CFAP20DC: variants seen among roughly 807,000 people sequenced by gnomAD.
The protein encoded by CFAP20DC is CFAP20 domain containing.
Under a neutral mutation model 101.7 loss-of-function variants are expected in CFAP20DC, and 84 were observed. The observed-to-expected ratio is 0.83, with a 90% CI of 0.69 to 0.99. CFAP20DC has a LOEUF of 0.99. CFAP20DC is among the 50% of genes least tolerant of loss of function. The probability of loss-of-function intolerance (pLI) is 0.00; values close to 1 mark genes in which losing one functional copy is unlikely to be tolerated. For synonymous variants in CFAP20DC, 359 were observed against 351.2 expected, an observed-to-expected ratio of 1.02 and a Z score of -0.25; for missense variants, 1,007 against 970.3, an observed-to-expected ratio of 1.04 and a Z score of -0.50.
chr3:59,017,624 G>T lies in CFAP20DC; in HGVS notation c.278+21933C>A, dbSNP rs182988391. 78 of 152,218 alleles carry T rather than the reference G, an allele frequency of 5.1e-4. 1 individual carries two copies. The highest frequency in any genetic ancestry group is 1.8e-3 in the African/African-American group (76 of 41,558). The allele number at this position is 152,218 out of a possible 1,614,324, so 9.4% of individuals were successfully genotyped here. The stretch of plus-strand genomic sequence containing the variant: ...ATTTTTTGGTTGTTGTTGGATACCA[G>T]AAAAGTCTCATACATCCTCCTTACA... On this transcript the variant is annotated intron_variant, in intron 4 of 16. Transcript: ENST00000482387.
chr3:58,764,009 T>C (rs1050726207), intron 15 of CFAP20DC, among the ~76,000 whole-genome samples: 13 of 152,154 alleles, frequency 8.5e-5, no homozygotes, highest in South Asian at 4.1e-4. Flanking sequence ...GGCAGTTTGT[T>C]GGTTCTCAGA....
intron 4 of CFAP20DC, among the ~76,000 whole-genome samples, chr3:59,025,582 T>C (rs1290683202): frequency 2.0e-5 from 3 of 152,152 alleles, no homozygotes; most frequent in Non-Finnish European, 2.9e-5. Flanking sequence ...AAAACACATA[T>C]AATATCAGCC....
chr3:58,841,841 T>A lies in CFAP20DC; in HGVS notation c.1971+7191A>T, dbSNP rs182254344. On this transcript the variant is annotated intron_variant, in intron 13 of 16. Transcript: ENST00000482387. ...GCATTCTTCAATAAGCTCAAACTTT[T>A]TCTGGAGCTATAAAGTCTGTTATAT... 1.7e-3 allele frequency among the ~76,000 whole-genome samples: 258 copies of A among 152,362 alleles called. 1 individual carries two copies. Among genetic ancestry groups the A allele is most frequent in the African/African-American group, 5.8e-3 (240 of 41,580 alleles).
At chr3:58,815,646 T>C (rs1287952112) in intron 14 of CFAP20DC, among the ~76,000 whole-genome samples, 4 of 151,140 alleles carry the variant, frequency 2.6e-5, no homozygotes, top group African/African-American at 4.9e-5. Context: ...TACAATGAAC[T>C]CAAACAAATT....
chr3:58,871,729 T>C lies in CFAP20DC; in HGVS notation c.716-1420A>G, dbSNP rs367619335. Among the ~76,000 whole-genome samples the C allele has an allele frequency of 8.8e-4, 134 of 152,216 alleles. 1 individual carries two copies. The highest frequency in any genetic ancestry group is 3.4e-3 in the Middle Eastern group (1 of 294). Reference sequence around the variant, plus strand: ...TTTTTAGTAGGATGGGGTTTCACCCTGTCGGCCAGGCTGGTCTCGAACTCC... The same window carrying C: ...TTTTTAGTAGGATGGGGTTTCACCCCGTCGGCCAGGCTGGTCTCGAACTCC... On this transcript the variant is annotated intron_variant, in intron 7 of 16. Coordinates refer to ENST00000482387, the MANE Select transcript of CFAP20DC (RefSeq NM_001394063.1).
intron 14 of CFAP20DC, among the ~76,000 whole-genome samples, chr3:58,811,663 A>C (rs571444541): frequency 1.3e-5 from 2 of 152,282 alleles, no homozygotes; most frequent in South Asian, 4.2e-4. Context: ...TTCATGTCTA[A>C]AACACCAAAG....
chr3:58,853,389 G>A (rs1422179835), intron 12 of CFAP20DC, among the ~76,000 whole-genome samples: 16 of 151,956 alleles, frequency 1.1e-4, no homozygotes, highest in Admixed American at 3.9e-4. Flanking sequence ...ACTCACAGCC[G>A]AATTCTACCA....
In CFAP20DC at chr3:58,788,182, G is replaced by GCAAAA. The variant is rs1387936979; in HGVS notation, c.2237+18208_2237+18212dup. Among the ~76,000 whole-genome samples, 1 of 151,288 alleles carries GCAAAA rather than the reference G, an allele frequency of 6.6e-6. No homozygotes were observed. Among genetic ancestry groups the GCAAAA allele is most frequent in the Non-Finnish European group, 1.5e-5 (1 of 67,750 alleles). On this transcript the variant is annotated intron_variant, in intron 15 of 16. Coordinates refer to ENST00000482387, the MANE Select transcript of CFAP20DC (RefSeq NM_001394063.1). This position sits in a 1 kb window ranked among gnomAD's most constrained non-coding sequence, Gnocchi z 4.2. Reference sequence around the variant, plus strand: ...GAGGAAGAAAACACTAAAAAACAAAGCAAAACAAAACAAAACTCCAACTCA... The same window carrying GCAAAA: ...GAGGAAGAAAACACTAAAAAACAAAGCAAAACAAAACAAAACAAAACTCCAACTCA...
chr3:59,026,492 A>G (rs979707226), intron 4 of CFAP20DC, among the ~76,000 whole-genome samples: 1 of 152,228 alleles, frequency 6.6e-6, no homozygotes, highest in African/African-American at 2.4e-5. Flanking sequence ...AAAAGATAAG[A>G]AAGCAAATTT....
intron 12 of CFAP20DC, among the ~76,000 whole-genome samples, chr3:58,860,029 T>C (rs1014037259): frequency 6.6e-6 from 1 of 151,748 alleles, no homozygotes; most frequent in African/African-American, 2.4e-5. Context: ...ATACAAAAAT[T>C]AGCCAGGCGT....
At position 58,937,723 on chromosome 3, in the gene CFAP20DC, T is replaced by C. The variant is rs761560449; in HGVS notation, c.318A>G (p.Leu106=). ...AGGATAGTTCCTTATGGACCGTTGA[T>C]AAATATAATCTTCTTTTGATGTTCC... is the stretch of plus-strand genomic sequence containing the variant. ...DLGNIKRRLY[L]STVHKELSST... Residue 106 remains leucine, a synonymous_variant, in exon 5 of 17, where the codon TTA becomes TTG. Coordinates refer to ENST00000482387, the MANE Select transcript of CFAP20DC (RefSeq NM_001394063.1). The C allele has an allele frequency of 3.1e-6, 5 of 1,611,364 alleles. No individual in the cohort carries two copies. The highest frequency in any genetic ancestry group is 1.7e-5 in the Admixed American group (1 of 59,994).
chr3:59,005,985 TG>T (rs2093424290), intron 4 of CFAP20DC, among the ~76,000 whole-genome samples: 1 of 152,320 alleles, frequency 6.6e-6, no homozygotes, highest in African/African-American at 2.4e-5. Context: ...TATAGTAATT[TG>T]GGCATATAGA....
intron 12 of CFAP20DC, among the ~76,000 whole-genome samples, chr3:58,860,928 G>C (rs1205442624): frequency 2.0e-5 from 3 of 152,170 alleles, no homozygotes; most frequent in African/African-American, 7.2e-5. Flanking sequence ...AAAATTAATA[G>C]AGTACCAGAA....
At chr3:58,996,447 T>C (rs894785700) in intron 4 of CFAP20DC, among the ~76,000 whole-genome samples, 12 of 152,190 alleles carry the variant, frequency 7.9e-5, no homozygotes, top group Admixed American at 7.9e-4. Flanking sequence ...ATTTTTAAGA[T>C]ACAGATAGAT....
intron 10 of CFAP20DC, 122 bp from the exon 11 acceptor site, chr3:58,866,810 A>G: frequency 1.7e-6 from 1 of 589,318 alleles, no homozygotes; most frequent in East Asian, 3.1e-5. Context: ...AATTAGAGGT[A>G]ACAATATGAA....
intron 7 of CFAP20DC, among the ~76,000 whole-genome samples, chr3:58,878,878 GGC>G (rs2080993296): frequency 6.6e-6 from 1 of 152,014 alleles, no homozygotes; most frequent in Non-Finnish European, 1.5e-5. Flanking sequence ...CGTGGTGGTG[GGC>G]ACCTGTAGTC....
intron 6 of CFAP20DC, among the ~76,000 whole-genome samples, chr3:58,895,521 CT>C (rs1197658162): frequency 2.0e-5 from 3 of 152,224 alleles, no homozygotes; most frequent in Non-Finnish European, 2.9e-5. Context: ...TCAGCCTGGA[CT>C]TTATTGTCCA....
rs1228722565 is a variant in CFAP20DC at position 58,863,354 on chromosome 3, T to C, written c.1593+204A>G. 1 of 1,411,576 alleles carries C rather than the reference T, an allele frequency of 7.1e-7. No homozygotes were observed. Among genetic ancestry groups the C allele is most frequent in the East Asian group, 2.6e-5 (1 of 39,174 alleles). 87.4% of individuals were successfully genotyped at this position (1,411,576 alleles called of 1,614,324 possible). A position where few individuals can be genotyped will look rare whatever the true frequency, so the allele number is the denominator to read the frequency against. The stretch of plus-strand genomic sequence containing the variant: ...CTGGTTTCTATAAGTAAAAGTGAAA[T>C]TGGCTGACTGTTAATTAAAAAAAAA... On this transcript the variant is annotated intron_variant, in intron 12 of 16. Coordinates refer to ENST00000482387, the MANE Select transcript of CFAP20DC (RefSeq NM_001394063.1). This position sits in a 1 kb window ranked among gnomAD's most constrained non-coding sequence, Gnocchi z 5.9.
intron 7 of CFAP20DC, among the ~76,000 whole-genome samples, chr3:58,879,920 C>T (rs1244782216): frequency 6.6e-6 from 1 of 152,008 alleles, no homozygotes; most frequent in African/African-American, 2.4e-5. Context: ...TTTAACTATA[C>T]ATAGACTTTC....
Sources: gnomAD v4.1 joint callset for allele counts (sites outside exome capture counted in the v4.1 genomes callset) on GRCh38, gnomAD v4.1.1 for gene constraint, Gnocchi (gnomAD v3.1) non-coding constraint, MANE v1.5 for transcripts, NCBI Gene and HGNC (gene_info 2026-07-23, HGNC 2026-07-21) for gene names.